The following SLC35F1 variants were observed in gnomAD, a reference collection of about 807,000 sequenced individuals.
SLC35F1 encodes the protein solute carrier family 35 member F1.
Under a neutral mutation model 48.7 loss-of-function variants are expected in SLC35F1, and 14 were observed. That is an observed-to-expected ratio of 0.29 (90% CI 0.19 to 0.45). SLC35F1 has a LOEUF of 0.45. Among genes scored for constraint, SLC35F1 ranks in the 20% least tolerant of loss-of-function variants. The probability of loss-of-function intolerance (pLI) is 1.00; values close to 1 mark genes in which losing one functional copy is unlikely to be tolerated. For missense variants in SLC35F1, 404 were observed against 500.0 expected (o/e 0.81, Z 1.83); for synonymous variants, 190 against 202.2 (o/e 0.94, Z 0.51).
intron 1 of SLC35F1, among the ~76,000 whole-genome samples, chr6:117,912,987 A>G (rs1233167885): frequency 1.3e-5 from 2 of 152,260 alleles, no homozygotes; most frequent in Admixed American, 1.3e-4. Flanking sequence ...TGTAGAAGGT[A>G]TAGGCAATTG....
At chr6:118,187,015 A>G (rs1774665561) in intron 2 of SLC35F1, among the ~76,000 whole-genome samples, 1 of 152,104 alleles carries the variant, frequency 6.6e-6, no homozygotes, top group Non-Finnish European at 1.5e-5. Context: ...ACTGTCTCTC[A>G]TTCTATCTCT....
chr6:118,092,624 C>T (rs913133688), intron 1 of SLC35F1, among the ~76,000 whole-genome samples: 1 of 152,200 alleles, frequency 6.6e-6, no homozygotes, highest in South Asian at 2.1e-4. Flanking sequence ...ATGAAAGTAG[C>T]ATTTCATGGG....
chr6:118,017,820 T>C (rs1777342335), intron 1 of SLC35F1, among the ~76,000 whole-genome samples: 1 of 152,162 alleles, frequency 6.6e-6, no homozygotes, highest in Admixed American at 6.5e-5. Context: ...TGATATAAGA[T>C]CAAATTTTAA....
intron 1 of SLC35F1, among the ~76,000 whole-genome samples, chr6:118,001,735 A>G (rs1180201656): frequency 1.3e-5 from 2 of 152,234 alleles, no homozygotes; most frequent in Non-Finnish European, 2.9e-5. Flanking sequence ...ATGTACAATG[A>G]ACTCAAACAA....
intron 1 of SLC35F1, among the ~76,000 whole-genome samples, chr6:117,954,139 T>C (rs1475318682): frequency 1.3e-5 from 2 of 152,252 alleles, no homozygotes; most frequent in Non-Finnish European, 2.9e-5. Context: ...CAGGTTACAG[T>C]GGCTTCATCT....
At chr6:117,978,658 CACTT>C (rs1042167219) in intron 1 of SLC35F1, among the ~76,000 whole-genome samples, 2 of 152,184 alleles carry the variant, frequency 1.3e-5, no homozygotes, top group African/African-American at 4.8e-5. Flanking sequence ...CATTCTGTCT[CACTT>C]ACACTGTCAT....
chr6:118,235,909 G>C (rs1479112958), intron 3 of SLC35F1, among the ~76,000 whole-genome samples: 2 of 151,884 alleles, frequency 1.3e-5, no homozygotes, highest in Non-Finnish European at 2.9e-5. Flanking sequence ...TCTTTGTTTT[G>C]AATATATTGC....
At chr6:117,920,957 A>G (rs1311236906) in intron 1 of SLC35F1, among the ~76,000 whole-genome samples, 1 of 152,018 alleles carries the variant, frequency 6.6e-6, no homozygotes, top group East Asian at 1.9e-4. Flanking sequence ...TGTGTTATAT[A>G]TGTTATTTCT....
intron 1 of SLC35F1, among the ~76,000 whole-genome samples, chr6:118,125,520 C>T (rs1773612453): frequency 1.3e-5 from 2 of 152,076 alleles, no homozygotes; most frequent in Non-Finnish European, 2.9e-5. Context: ...CTCTAACTGG[C>T]CCTGTTTATT....
At chr6:118,283,196 C>G (rs1776006271) in intron 6 of SLC35F1, among the ~76,000 whole-genome samples, 1 of 152,182 alleles carries the variant, frequency 6.6e-6, no homozygotes, top group African/African-American at 2.4e-5. Flanking sequence ...CTTTCAGGAA[C>G]TTTTCATGTG....
intron 1 of SLC35F1, among the ~76,000 whole-genome samples, chr6:117,929,069 C>T (rs1776066002): frequency 6.6e-6 from 1 of 152,082 alleles, no homozygotes; most frequent in African/African-American, 2.4e-5. Flanking sequence ...CAATGAGATG[C>T]AAGAACCCTC....
intron 1 of SLC35F1, among the ~76,000 whole-genome samples, chr6:117,932,506 C>T (rs984024508): frequency 6.6e-6 from 1 of 152,158 alleles, no homozygotes; most frequent in African/African-American, 2.4e-5. Flanking sequence ...TTTAAAGCTT[C>T]TGTCATCTCT....
chr6:118,039,642 A>T (rs1010761022), intron 1 of SLC35F1, among the ~76,000 whole-genome samples: 11 of 149,294 alleles, frequency 7.4e-5, no homozygotes, highest in Admixed American at 5.9e-4. Flanking sequence ...GTCTTTTTTT[A>T]AAAAATTGCA....
At chr6:118,070,893 A>G (rs1772694562) in intron 1 of SLC35F1, among the ~76,000 whole-genome samples, 1 of 19,444 alleles carries the variant, frequency 5.1e-5, no homozygotes, top group Non-Finnish European at 1.3e-4. Flanking sequence ...TACATAGTAA[A>G]TATATATACT....
At chr6:117,969,639 C>G (rs960688577) in intron 1 of SLC35F1, among the ~76,000 whole-genome samples, 3 of 152,012 alleles carry the variant, frequency 2.0e-5, no homozygotes, top group African/African-American at 7.2e-5. Context: ...CACTTGAGCC[C>G]AGGAATTTGA....
Position 118,275,347 on chromosome 6 carries a change from A to G in SLC35F1, c.638-112A>G, listed in dbSNP as rs1297114208. 7 of 1,155,504 alleles carry G rather than the reference A, an allele frequency of 6.1e-6. No homozygotes were observed. In the East Asian group the frequency reaches 1.7e-4, roughly 29 times the overall value. 71.6% of individuals were successfully genotyped at this position (1,155,504 alleles called of 1,614,324 possible). A position where few individuals can be genotyped will look rare whatever the true frequency, so the allele number is the denominator to read the frequency against. Reference sequence around the variant, plus strand: ...CTCAGTTGGAAATTGCATGACTTCTATAAAAATGTCAAAATAGAATAGGCA... The same window carrying G: ...CTCAGTTGGAAATTGCATGACTTCTGTAAAAATGTCAAAATAGAATAGGCA... On this transcript the variant is annotated intron_variant, in intron 4 of 7. Transcript: ENST00000360388.
intron 1 of SLC35F1, among the ~76,000 whole-genome samples, chr6:118,113,465 A>C (rs1773436997): frequency 6.6e-6 from 1 of 152,014 alleles, no homozygotes; most frequent in South Asian, 2.1e-4. Context: ...TGTTGATAAG[A>C]GGAGGGGCTA....
intron 4 of SLC35F1, among the ~76,000 whole-genome samples, chr6:118,274,740 A>G (rs1396429272): frequency 6.6e-6 from 1 of 152,252 alleles, no homozygotes; most frequent in African/African-American, 2.4e-5. Context: ...ATGAAAAAAT[A>G]TTAATGTGAT....
chr6:118,188,771 T>C (rs1255753983), intron 2 of SLC35F1, among the ~76,000 whole-genome samples: 1 of 152,232 alleles, frequency 6.6e-6, no homozygotes, highest in East Asian at 1.9e-4. Context: ...TGTGCTTTGA[T>C]GAACAAGAGA....
Sources: gnomAD v4.1 joint callset for allele counts (sites outside exome capture counted in the v4.1 genomes callset) on GRCh38, gnomAD v4.1.1 for gene constraint, MANE v1.5 for transcripts, NCBI Gene and HGNC (gene_info 2026-07-23, HGNC 2026-07-21) for gene names.